The following DEFB119 variants were observed in gnomAD, a reference collection of about 807,000 sequenced individuals.
The protein encoded by DEFB119 is beta-defensin 119.
A neutral mutation model predicts 2.5 loss-of-function variants in DEFB119; 3 were observed. That is an observed-to-expected ratio of 1.19 (90% confidence interval 0.54 to 3.07). The LOEUF (loss-of-function observed/expected upper bound fraction) is 3.07. Ranked by LOEUF, DEFB119 falls within the 30% of genes most tolerant of loss-of-function variation. The probability of loss-of-function intolerance (pLI) is 0.03; values close to 1 mark genes in which losing one functional copy is unlikely to be tolerated. For synonymous variants in DEFB119, 29 were observed against 33.7 expected, an observed-to-expected ratio of 0.86 and a Z score of 0.48; for missense variants, 113 against 101.1, an observed-to-expected ratio of 1.12 and a Z score of -0.50.
At chr20:31,381,478 A>C (rs1986503371) in intron 1 of DEFB119, among the ~76,000 whole-genome samples, 1 of 152,206 alleles carries the variant, frequency 6.6e-6, no homozygotes, top group Non-Finnish European at 1.5e-5. Context: ...AACTAAAAGG[A>C]ACGAATTATT....
In DEFB119 at chr20:31,377,244, A is replaced by T; in HGVS notation, c.*2T>A. 1.2e-6 allele frequency: 2 copies of T among 1,608,376 alleles called. No individual in the cohort carries two copies. Among genetic ancestry groups the T allele is most frequent in the Non-Finnish European group, 1.7e-6 (2 of 1,177,308 alleles). ...GAGCTTGAGAATGGTAATCACCAGCACTCAAGGTAGTCTTGGCCACTGCTT... is the reference window on the plus strand; with the variant it reads ...GAGCTTGAGAATGGTAATCACCAGCTCTCAAGGTAGTCTTGGCCACTGCTT... On this transcript the variant is annotated 3_prime_UTR_variant, in exon 2 of 2. Coordinates refer to ENST00000376321, the MANE Select transcript of DEFB119 (RefSeq NM_153289.4).
intron 1 of DEFB119, among the ~76,000 whole-genome samples, chr20:31,382,421 G>A (rs1289965361): frequency 3.3e-5 from 5 of 152,044 alleles, no homozygotes; most frequent in Admixed American, 6.5e-5. Flanking sequence ...AGTATAGACC[G>A]GAAAAATATC....
rs750391797 is a variant in DEFB119 at position 31,377,273 on chromosome 20, A to G, written c.228T>C (p.Tyr76=). The change falls in exon 2 of 2, where the codon TAT becomes TAC. Residue 76 remains tyrosine (Y), a synonymous_variant. Transcript: ENST00000376321. ...SGKEENTDWS[Y]EKQWPRLP is the part of the protein sequence containing the mutation. Reference sequence around the variant, plus strand: ...AAGGTAGTCTTGGCCACTGCTTCTCATAAGACCAGTCGGTATTTTCCTCTT... The same window carrying G: ...AAGGTAGTCTTGGCCACTGCTTCTCGTAAGACCAGTCGGTATTTTCCTCTT... The G allele has an allele frequency of 6.2e-7, 1 of 1,613,850 alleles. No homozygotes were observed. Among genetic ancestry groups the G allele is most frequent in the South Asian group, 1.1e-5 (1 of 90,994 alleles).
At chr20:31,386,298 G>A (rs560457363) in intron 1 of DEFB119, among the ~76,000 whole-genome samples, 5 of 152,236 alleles carry the variant, frequency 3.3e-5, no homozygotes, top group Non-Finnish European at 7.4e-5. Context: ...CCCGGGCCTC[G>A]GGGCACAGGT....
rs756793802 is a variant in DEFB119, at chr20:31,390,456, T to C, written c.28A>G (p.Ile10Val). Residue 10 changes from isoleucine to valine, a missense_variant, in exon 1 of 2, where the codon ATC becomes GTC. Physicochemically the swap from Ile to Val is conservative, Grantham distance 29 (BLOSUM62 3). Transcript: ENST00000376321. MKLLYLFLAILLAIEEPVIS... is the reference protein window; with the variant it reads MKLLYLFLAVLLAIEEPVIS... Reference sequence around the variant, plus strand: ...ACTGGTTCTTCTATGGCCAGAAGGATGGCAAGAAACAGGTAAAGAAGTTTC... The same window carrying C: ...ACTGGTTCTTCTATGGCCAGAAGGACGGCAAGAAACAGGTAAAGAAGTTTC... 8.7e-6 allele frequency: 14 copies of C among 1,611,844 alleles called. No individual in the cohort carries two copies. The South Asian group carries it at 1.5e-4, about 18-fold the overall frequency.
intron 1 of DEFB119, chr20:31,378,203 A>G (rs920677766): frequency 1.7e-5 from 20 of 1,171,816 alleles, no homozygotes; most frequent in Non-Finnish European, 2.2e-5. Context: ...GAGAGGGCCT[A>G]GTGCAGAGTC....
intron 1 of DEFB119, among the ~76,000 whole-genome samples, chr20:31,377,913 A>G (rs774359130): frequency 2.0e-5 from 3 of 151,962 alleles, no homozygotes; most frequent in African/African-American, 7.3e-5. Context: ...TAACCACTCC[A>G]CTCCAGGAAA....
At chr20:31,380,876 C>A (rs1379126879) in intron 1 of DEFB119, among the ~76,000 whole-genome samples, 1 of 151,822 alleles carries the variant, frequency 6.6e-6, no homozygotes, top group Non-Finnish European at 1.5e-5. Context: ...CAACTTTATC[C>A]TTTTTCAAAT....
At chr20:31,380,368 C>T (rs932624742) in intron 1 of DEFB119, among the ~76,000 whole-genome samples, 5 of 152,158 alleles carry the variant, frequency 3.3e-5, no homozygotes, top group Non-Finnish European at 5.9e-5. Context: ...TGGACTCAAG[C>T]GATCTTCCCA....
At chr20:31,378,122 G>A (rs529947349) in intron 1 of DEFB119, among the ~76,000 whole-genome samples, 1 of 152,304 alleles carries the variant, frequency 6.6e-6, no homozygotes, top group Admixed American at 6.5e-5. Flanking sequence ...AATCATGTGG[G>A]AAGCCTCGAC....
At chr20:31,378,409 A>G (rs1239489918) in intron 1 of DEFB119, 6 of 1,614,048 alleles carry the variant, frequency 3.7e-6, no homozygotes, top group Non-Finnish European at 5.1e-6. Flanking sequence ...AGAGGAGACA[A>G]GCCAACAAAG....
At chr20:31,389,279 C>T (rs373696918) in intron 1 of DEFB119, 20 of 1,610,384 alleles carry the variant, frequency 1.2e-5, no homozygotes, top group African/African-American at 4.0e-5. Context: ...ATCCCTCAAG[C>T]GGAGAGAAAA....
At chr20:31,389,198 A>G (rs769942062) in intron 1 of DEFB119, 2 of 1,614,158 alleles carry the variant, frequency 1.2e-6, no homozygotes, top group Non-Finnish European at 1.7e-6. Flanking sequence ...TCTTTGCACA[A>G]CAACCGGCAG....
chr20:31,382,029 A>T (rs1268432462), intron 1 of DEFB119, among the ~76,000 whole-genome samples: 1 of 152,208 alleles, frequency 6.6e-6, no homozygotes, highest in African/African-American at 2.4e-5. Context: ...CTTCGTGGTG[A>T]TGGAACAGTT....
intron 1 of DEFB119, among the ~76,000 whole-genome samples, chr20:31,379,501 CT>C (rs10714744): frequency 0.32 from 47,581 of 148,806 alleles, 8,288 homozygotes; most frequent in African/African-American, 0.43. Context: ...ACTGTTGAGT[CT>C]TTTTTTTTTG....
chr20:31,382,268 C>A (rs1205426470), intron 1 of DEFB119, among the ~76,000 whole-genome samples: 1 of 152,106 alleles, frequency 6.6e-6, no homozygotes, highest in Middle Eastern at 3.4e-3. Context: ...AATAAATAAC[C>A]TAAGGGGCTA....
chr20:31,388,459 A>C (rs984511035), intron 1 of DEFB119: 3 of 239,680 alleles, frequency 1.3e-5, no homozygotes, highest in African/African-American at 7.0e-5. Flanking sequence ...GCAGAGCTGA[A>C]GTGAATATGA....
At chr20:31,388,120 C>T (rs569900429) in intron 1 of DEFB119, 1 of 985,364 alleles carries the variant, frequency 1.0e-6, no homozygotes, top group African/African-American at 1.7e-5. Context: ...TCTGGGAAGA[C>T]ACCCAGATTC....
At chr20:31,378,183 G>A (rs1056370745) in intron 1 of DEFB119, among the ~76,000 whole-genome samples, 1 of 152,144 alleles carries the variant, frequency 6.6e-6, no homozygotes, top group Admixed American at 6.5e-5. Context: ...TCCCTGATGG[G>A]GTGGTGACAG....
Sources: gnomAD v4.1 joint callset for allele counts (sites outside exome capture counted in the v4.1 genomes callset) on GRCh38, gnomAD v4.1.1 for gene constraint, MANE v1.5 for transcripts, NCBI Gene and HGNC (gene_info 2026-07-23, HGNC 2026-07-21) for gene names.